The following SMAD7 variants were observed in gnomAD, a reference collection of about 807,000 sequenced individuals.
The protein encoded by SMAD7 is SMAD family member 7.
SMAD7 carries 8 observed loss-of-function variants against 38.7 expected under a neutral mutation model. The observed-to-expected ratio is 0.21, with a 90% CI of 0.12 to 0.37. The LOEUF is 0.37. Ranked by LOEUF, SMAD7 falls within the 10% of genes least tolerant of loss-of-function variation. The pLI is 1.00. For missense variants in SMAD7, 477 were observed against 577.9 expected (o/e 0.83, Z 1.79); for synonymous variants, 327 against 265.1 (o/e 1.23, Z -2.27).
chr18:48,939,230 A>G (rs1430381167), intron 3 of SMAD7, among the ~76,000 whole-genome samples: 2 of 149,032 alleles, frequency 1.3e-5, no homozygotes. Context: ...TGTCTCAGAG[A>G]GCCAGCTGTC....
chr18:48,925,434 C>G (rs1008102986), intron 3 of SMAD7, among the ~76,000 whole-genome samples: 2 of 115,446 alleles, frequency 1.7e-5, no homozygotes, highest in African/African-American at 5.8e-5. Flanking sequence ...AAGGTGTTGC[C>G]CCCCCCCAAC....
intron 3 of SMAD7, among the ~76,000 whole-genome samples, chr18:48,941,053 G>A (rs1457124513): frequency 6.6e-6 from 1 of 152,124 alleles, no homozygotes; most frequent in Non-Finnish European, 1.5e-5. Flanking sequence ...CACATTCAGG[G>A]TTTAAAAAAT....
chr18:48,947,310 C>T (rs889290975), intron 2 of SMAD7, among the ~76,000 whole-genome samples: 7 of 152,270 alleles, frequency 4.6e-5, no homozygotes, highest in South Asian at 2.1e-4. Flanking sequence ...TTCGGTTACA[C>T]GTTCATTAAA....
rs939641672 is a variant in SMAD7 at position 48,921,015 on chromosome 18, C to T, written c.*357G>A. On this transcript the variant is annotated 3_prime_UTR_variant, in exon 4 of 4. Transcript: ENST00000262158. The surrounding 1 kb of genome is among the most constrained non-coding windows in gnomAD (Gnocchi z 6.4). The stretch of plus-strand genomic sequence containing the variant: ...TCCTGCACACGCGTGCACACACAGC[C>T]GCACACTCACACTCACACACACTCC... 1.4e-4 allele frequency: 38 copies of T among 271,624 alleles called. No individual in the cohort carries two copies. In the East Asian group the frequency reaches 2.7e-3, roughly 19 times the overall value. 16.8% of individuals were successfully genotyped at this position (271,624 alleles called of 1,614,324 possible).
rs1288894543 is a variant in SMAD7 at position 48,935,311 on chromosome 18, T to C, written c.742+7170A>G. 3.9e-5 allele frequency among the ~76,000 whole-genome samples: 6 copies of C among 152,280 alleles called. No individual in the cohort carries two copies. In the South Asian group the frequency reaches 8.3e-4, roughly 21 times the overall value. ...GTTAATAATATCTTCCCGCTGAAAA[T>C]AGCCCGGAGAGGAAGCCTCTGTGTG... On this transcript the variant is annotated intron_variant, in intron 3 of 3. Transcript: ENST00000262158.
chr18:48,921,041 T>C lies in SMAD7; in HGVS notation c.*331A>G. The C allele has an allele frequency of 2.9e-6, 1 of 342,432 alleles. No individual in the cohort carries two copies. Among genetic ancestry groups the C allele is most frequent in the South Asian group, 3.4e-5 (1 of 29,218 alleles). 21.2% of individuals were successfully genotyped at this position (342,432 alleles called of 1,614,324 possible). ...GCACACTCACACTCACACACACTCC[T>C]GACAAGTGAAATGATGACCGCCCCC... On this transcript the variant is annotated 3_prime_UTR_variant, in exon 4 of 4. Transcript: ENST00000262158. This position sits in a 1 kb window ranked among gnomAD's most constrained non-coding sequence, Gnocchi z 6.4.
intron 1 of SMAD7, chr18:48,949,246 C>A: frequency 1.0e-6 from 1 of 982,696 alleles, no homozygotes; most frequent in Non-Finnish European, 1.2e-6. Context: ...GGCCTTCCAT[C>A]CAACTCTCTT....
chr18:48,933,090 C>A (rs533976181), intron 3 of SMAD7, among the ~76,000 whole-genome samples: 2 of 152,110 alleles, frequency 1.3e-5, no homozygotes, highest in Admixed American at 1.3e-4. Flanking sequence ...CAGCAAGAAG[C>A]GGGGTGGGGA....
intron 3 of SMAD7, among the ~76,000 whole-genome samples, chr18:48,932,103 A>T (rs1034157064): frequency 6.6e-6 from 1 of 152,108 alleles, no homozygotes; most frequent in Non-Finnish European, 1.5e-5. Context: ...CCTCTTGGTT[A>T]CTGATTCATG....
Position 48,949,971 on chromosome 18 carries a change from A to T in SMAD7, c.454T>A (p.Ser152Thr), listed in dbSNP as rs749074075. Residue 152 changes from serine to threonine, a missense_variant, in exon 1 of 4, where the codon TCC (serine) becomes ACC (threonine). Ser to Thr is a moderately conservative substitution (Grantham distance 58, BLOSUM62 1). This residue lies in a region of SMAD7 where 376 missense variants were observed against 379.4 expected (regional missense o/e 0.99). Coordinates refer to ENST00000262158, the MANE Select transcript of SMAD7 (RefSeq NM_005904.4). ...CACAGCAGGAGGGGGAGCGAGTAGGACGAGGGCGGCTGCGCAGGCTGCGCG... is the reference window on the plus strand; with the variant it reads ...CACAGCAGGAGGGGGAGCGAGTAGGTCGAGGGCGGCTGCGCAGGCTGCGCG... ...AGAQPAQPPS[S>T]YSLPLLLCKV... 1 of 1,603,890 alleles carries T rather than the reference A, an allele frequency of 6.2e-7. No individual in the cohort carries two copies. The highest frequency in any genetic ancestry group is 1.1e-5 in the South Asian group (1 of 90,044).
chr18:48,929,631 A>C (rs1433051800), intron 3 of SMAD7, among the ~76,000 whole-genome samples: 1 of 148,432 alleles, frequency 6.7e-6, no homozygotes, highest in African/African-American at 2.5e-5. Flanking sequence ...AATACAAACC[A>C]CTGCATCATT....
chr18:48,929,648 A>G (rs907434702), intron 3 of SMAD7, among the ~76,000 whole-genome samples: 11 of 151,210 alleles, frequency 7.3e-5, no homozygotes, highest in Middle Eastern at 3.4e-3. Context: ...CATTAAGCCA[A>G]TTTTCCAAAA....
In SMAD7 at chr18:48,927,840, T is replaced by A. The variant is rs200403730; in HGVS notation, c.743-5930A>T. Among the ~76,000 whole-genome samples the A allele has an allele frequency of 2.3e-3, 354 of 152,288 alleles. 3 individuals are homozygous for A. Among genetic ancestry groups the A allele is most frequent in the Non-Finnish European group, 4.2e-3 (283 of 68,036 alleles). On this transcript the variant is annotated intron_variant, in intron 3 of 3. Transcript: ENST00000262158. ...CTTTGCATAGGCTGTGTTCTCTAAGTGGCTCATGACAACCCTCTGAGGCTG... is the reference window on the plus strand; with the variant it reads ...CTTTGCATAGGCTGTGTTCTCTAAGAGGCTCATGACAACCCTCTGAGGCTG...
chr18:48,934,886 T>C (rs1407126196), intron 3 of SMAD7, among the ~76,000 whole-genome samples: 2 of 152,192 alleles, frequency 1.3e-5, no homozygotes, highest in African/African-American at 4.8e-5. Context: ...CAATTTCCTG[T>C]CTTGTCCCAA....
chr18:48,945,384 C>T (rs1648500188), intron 2 of SMAD7, among the ~76,000 whole-genome samples: 1 of 152,106 alleles, frequency 6.6e-6, no homozygotes, highest in South Asian at 2.1e-4. Flanking sequence ...ATGGTGTGAA[C>T]CCAGGAGGTG....
chr18:48,928,024 G>C (rs1160508976), intron 3 of SMAD7, among the ~76,000 whole-genome samples: 1 of 152,210 alleles, frequency 6.6e-6, no homozygotes, highest in South Asian at 2.1e-4. Context: ...CCTCTCCAAA[G>C]TGTCCTTCAG....
At chr18:48,938,009 G>A (rs1171590362) in intron 3 of SMAD7, among the ~76,000 whole-genome samples, 1 of 152,172 alleles carries the variant, frequency 6.6e-6, no homozygotes, top group Non-Finnish European at 1.5e-5. Context: ...CAGGTTCCCA[G>A]TTCATGATCA....
chr18:48,949,124 G>C (rs2070231352), intron 1 of SMAD7: 1 of 198,898 alleles, frequency 5.0e-6, no homozygotes, highest in African/African-American at 2.4e-5. Context: ...CTAATCTACA[G>C]ACTTATCTGT....
In SMAD7 at chr18:48,950,136, G is replaced by C; in HGVS notation, c.289C>G (p.His97Asp). The C allele has an allele frequency of 6.7e-7, 1 of 1,496,072 alleles. No homozygotes were observed. Among genetic ancestry groups the C allele is most frequent in the Non-Finnish European group, 8.9e-7 (1 of 1,126,512 alleles). The allele number at this position is 1,496,072 out of a possible 1,614,324, so 92.7% of individuals were successfully genotyped here. Residue 97 changes from histidine (H) to aspartate (D), a missense_variant, in exon 1 of 4, where the codon CAC (histidine) becomes GAC (aspartate). Around this residue, in one of 2 missense-constraint regions of SMAD7, gnomAD observed 376 missense variants for 379.4 expected, o/e 0.99. Transcript: ENST00000262158. ...TCCTTCAGTTTCTTGAGCACCGAGTGCGTGAGCGCCTTCAGATCCGCCTCG... is the reference window on the plus strand; with the variant it reads ...TCCTTCAGTTTCTTGAGCACCGAGTCCGTGAGCGCCTTCAGATCCGCCTCG... ...GAEADLKALTHSVLKKLKERQ... is the reference protein window; with the variant it reads ...GAEADLKALTDSVLKKLKERQ...
Sources: allele counts gnomAD v4.1 joint callset (sites outside exome capture counted in the v4.1 genomes callset), GRCh38; gene constraint gnomAD v4.1.1; regional missense constraint gnomAD v4.1.1; non-coding constraint Gnocchi (gnomAD v3.1); transcripts MANE v1.5; gene names NCBI Gene and HGNC (gene_info 2026-07-23, HGNC 2026-07-21).